IFT140: variants seen among roughly 807,000 people sequenced by gnomAD.
IFT140 encodes the protein intraflagellar transport 140, also known as intraflagellar transport protein 140 homolog.
IFT140 carries 133 observed loss-of-function variants against 164.6 expected under a neutral mutation model. The ratio of observed to expected loss-of-function variants is 0.81; its 90% CI spans 0.70 to 0.93. The LOEUF is 0.93. Ranked by LOEUF, IFT140 falls within the 40% of genes least tolerant of loss-of-function variation. IFT140 has a pLI of 0.00. For synonymous variants in IFT140, 860 were observed against 817.3 expected (o/e 1.05, Z -0.89); for missense variants, 2,045 against 1,972.3 (o/e 1.04, Z -0.70).
chr16:1,555,112 C>T, intron 19 of IFT140: 1 of 1,504,316 alleles, frequency 6.6e-7, no homozygotes, highest in Non-Finnish European at 8.9e-7. Context: ...AAGTCACTTC[C>T]CCTGCTCGTG....
rs954922681 is a variant in IFT140, at chr16:1,524,177, C to T, written c.3142-221G>A. 9 of 649,730 alleles carry T rather than the reference C, an allele frequency of 1.4e-5. No individual in the cohort carries two copies. The African/African-American group carries it at 1.6e-4, about 12-fold the overall frequency. The allele number at this position is 649,730 out of a possible 1,614,324, so 40.2% of individuals were successfully genotyped here. ...ATTTCACAGAGCACTGCAAGAAATACCTGACACGGGAGATGCTTCTGGAAG... is the reference window on the plus strand; with the variant it reads ...ATTTCACAGAGCACTGCAAGAAATATCTGACACGGGAGATGCTTCTGGAAG... On this transcript the variant is annotated intron_variant, in intron 24 of 30. Transcript: ENST00000426508.
chr16:1,519,217 A>C (rs151196035), intron 29 of IFT140, among the ~76,000 whole-genome samples: 1 of 152,320 alleles, frequency 6.6e-6, no homozygotes, highest in East Asian at 1.9e-4. Flanking sequence ...TGTTCAAAGG[A>C]CTTCTGGAAC....
intron 6 of IFT140, among the ~76,000 whole-genome samples, chr16:1,590,127 G>A (rs999046839): frequency 2.0e-5 from 3 of 151,120 alleles, no homozygotes; most frequent in Non-Finnish European, 4.4e-5. Context: ...CTTGAACCCC[G>A]GAGGTGGAGG....
chr16:1,607,043 C>CA, intron 3 of IFT140, 77 bp downstream of exon 3: 1 of 1,452,814 alleles, frequency 6.9e-7, no homozygotes, highest in East Asian at 2.3e-5. Flanking sequence ...CATGTGCACA[C>CA]ACACAAGGAC....
intron 19 of IFT140, chr16:1,532,779 T>G (rs1010384125): frequency 6.6e-6 from 1 of 152,214 alleles, no homozygotes; most frequent in Admixed American, 6.5e-5. Flanking sequence ...TCTCGTGGTG[T>G]CTGCCCAGCT....
intron 14 of IFT140, among the ~76,000 whole-genome samples, chr16:1,569,364 A>T (rs2033902326): frequency 6.6e-6 from 1 of 151,880 alleles, no homozygotes; most frequent in African/African-American, 2.4e-5. Context: ...TGACTTACTC[A>T]TATCATTCGG....
intron 4 of IFT140, among the ~76,000 whole-genome samples, chr16:1,596,942 G>A (rs2667667): frequency 0.025 from 3,794 of 152,186 alleles, 176 homozygotes; most frequent in African/African-American, 0.086. Context: ...CAGTAAGACC[G>A]TAAAGAAAAG....
chr16:1,517,264 G>C (rs1302732536), intron 30 of IFT140, among the ~76,000 whole-genome samples: 1 of 151,750 alleles, frequency 6.6e-6, no homozygotes, highest in African/African-American at 2.4e-5. Flanking sequence ...GCAGGAGAAT[G>C]GCGTGAACCC....
intron 26 of IFT140, among the ~76,000 whole-genome samples, chr16:1,521,063 G>A (rs1490351983): frequency 2.6e-5 from 4 of 152,226 alleles, no homozygotes; most frequent in African/African-American, 9.6e-5. Flanking sequence ...ATATGCTCAA[G>A]AGAATATTAC....
chr16:1,609,352 T>TC (rs774135029), intron 2 of IFT140, among the ~76,000 whole-genome samples: 6 of 152,102 alleles, frequency 3.9e-5, no homozygotes, highest in Admixed American at 6.5e-5. Flanking sequence ...TTTTCAAGGT[T>TC]CCCCCCGGCT....
rs1038084644 is a variant in IFT140, at chr16:1,553,537, A to G, written c.2399+4398T>C. On this transcript the variant is annotated intron_variant, in intron 19 of 30. Coordinates refer to ENST00000426508, the MANE Select transcript of IFT140 (RefSeq NM_014714.4). The surrounding 1 kb of genome is among the most constrained non-coding windows in gnomAD (Gnocchi z 4.4). Reference sequence around the variant, plus strand: ...GGGGAGGGACATGGACAAGTCCTCTATGGACAAGAGGGGCTGGAGAGTTTA... The same window carrying G: ...GGGGAGGGACATGGACAAGTCCTCTGTGGACAAGAGGGGCTGGAGAGTTTA... The G allele has an allele frequency of 1.0e-6, 1 of 996,250 alleles. No individual in the cohort carries two copies. The highest frequency in any genetic ancestry group is 1.2e-6 in the Non-Finnish European group (1 of 835,694). 61.7% of individuals were successfully genotyped at this position (996,250 alleles called of 1,614,324 possible). A position where few individuals can be genotyped will look rare whatever the true frequency, so the allele number is the denominator to read the frequency against.
intron 19 of IFT140, chr16:1,534,492 T>C (rs1228700896): frequency 6.2e-7 from 1 of 1,609,680 alleles, no homozygotes; most frequent in Non-Finnish European, 8.5e-7. Flanking sequence ...CGCACATGAC[T>C]GTGAGGCGCT....
At position 1,566,210 on chromosome 16, in the gene IFT140, G is replaced by A. The variant is rs1321423904; in HGVS notation, c.1852C>T (p.Gln618Ter). Residue 618 changes from glutamine to a stop codon, truncating the protein, a stop_gained, in exon 16 of 31, where the codon CAA becomes TAA. Transcript: ENST00000426508. LOFTEE classifies it high-confidence loss of function. ...TVTVFDFKTG[Q>*]IDRRETLSFN... is the part of the protein sequence containing the mutation. ...GACAGCGTCTCTCTCCGATCAATTT[G>A]TCCAGTCTTGAAGTCAAAGACGGTC... is the stretch of plus-strand genomic sequence containing the variant. The A allele has an allele frequency of 6.2e-7, 1 of 1,613,664 alleles. No individual in the cohort carries two copies. The highest frequency in any genetic ancestry group is 8.5e-7 in the Non-Finnish European group (1 of 1,179,698).
intron 19 of IFT140, among the ~76,000 whole-genome samples, chr16:1,539,679 C>T (rs573580057): frequency 2.8e-4 from 42 of 152,366 alleles, no homozygotes; most frequent in African/African-American, 8.2e-4. Context: ...GTGGCAGTGA[C>T]GCTCACTGGG....
At chr16:1,540,170 G>A (rs894427122) in intron 19 of IFT140, among the ~76,000 whole-genome samples, 2 of 152,236 alleles carry the variant, frequency 1.3e-5, no homozygotes, top group East Asian at 1.9e-4. Flanking sequence ...TGGGGCCGGG[G>A]CAGATGTGAG....
intron 30 of IFT140, chr16:1,513,308 T>A (rs1028405536): frequency 1.3e-5 from 2 of 152,100 alleles, no homozygotes; most frequent in East Asian, 1.9e-4. Context: ...GCTAACACGG[T>A]GAAACCCCGT....
At chr16:1,528,857 GAGA>G (rs1476143788) in intron 19 of IFT140, 3 of 152,264 alleles carry the variant, frequency 2.0e-5, no homozygotes, top group African/African-American at 4.8e-5. Flanking sequence ...CTGCCCCTGT[GAGA>G]AGGAGGGGCT....
At position 1,553,274 on chromosome 16, in the gene IFT140, GTCTC is replaced by G. The variant is rs2032824905; in HGVS notation, c.2399+4657_2399+4660del. On this transcript the variant is annotated intron_variant, in intron 19 of 30. Coordinates refer to ENST00000426508, the MANE Select transcript of IFT140 (RefSeq NM_014714.4). The surrounding 1 kb of genome is among the most constrained non-coding windows in gnomAD (Gnocchi z 4.4). ...TCTCTCTGTATCTCTCTTGGTCTCTGTCTCTCTGTGTCTCTGCCTGTCTCTCTGT... is the reference window on the plus strand; with the variant it reads ...TCTCTCTGTATCTCTCTTGGTCTCTGTCTGTGTCTCTGCCTGTCTCTCTGT... 5.1e-6 allele frequency: 5 copies of G among 978,818 alleles called. No homozygotes were observed. The highest frequency in any genetic ancestry group is 1.1e-4 in the East Asian group (1 of 8,754). The allele number at this position is 978,818 out of a possible 1,614,324, so 60.6% of individuals were successfully genotyped here.
At chr16:1,576,907 G>A (rs1057143490) in intron 13 of IFT140, 1 of 152,202 alleles carries the variant, frequency 6.6e-6, no homozygotes, top group Non-Finnish European at 1.5e-5. Flanking sequence ...GCTGCCTCCT[G>A]TTGCCACTGT....
Sources: gnomAD v4.1 joint callset for allele counts (sites outside exome capture counted in the v4.1 genomes callset) on GRCh38, gnomAD v4.1.1 for gene constraint, Gnocchi (gnomAD v3.1) non-coding constraint, MANE v1.5 for transcripts, NCBI Gene and HGNC (gene_info 2026-07-23, HGNC 2026-07-21) for gene names.